Variants in NIPSNAP1 observed in about 807,000 individuals in gnomAD.
NIPSNAP1 encodes protein NipSnap homolog 1.
In NIPSNAP1, 25 loss-of-function variants were observed where a neutral mutation model predicts 49.2. The observed-to-expected ratio is 0.51, with a 90% confidence interval of 0.37 to 0.71. The LOEUF (loss-of-function observed/expected upper bound fraction) is 0.71. Among genes scored for constraint, NIPSNAP1 ranks in the 30% least tolerant of loss-of-function variants. NIPSNAP1 has a pLI of 0.00. For missense variants in NIPSNAP1, 294 were observed against 361.0 expected, an observed-to-expected ratio of 0.81 and a Z score of 1.50; for synonymous variants, 143 against 140.7, an observed-to-expected ratio of 1.02 and a Z score of -0.12.
rs186355597 is a variant in NIPSNAP1, at chr22:29,561,956, G to A, written c.368-94C>T. ...GCTAAGTGGTGGGGACGGGGGAGGC[G>A]GGGTGGCCTGGTTCCCTGTAGCAGC... is the stretch of plus-strand genomic sequence containing the variant. On this transcript the variant is annotated intron_variant, in intron 4 of 9. Coordinates refer to ENST00000216121, the MANE Select transcript of NIPSNAP1 (RefSeq NM_003634.4). 36 of 1,053,192 alleles carry A rather than the reference G, an allele frequency of 3.4e-5. No individual in the cohort carries two copies. The East Asian group carries it at 5.3e-4, about 15-fold the overall frequency. The allele number at this position is 1,053,192 out of a possible 1,614,324, so 65.2% of individuals were successfully genotyped here.
At chr22:29,557,262 G>A (rs1374206373) in intron 9 of NIPSNAP1, among the ~76,000 whole-genome samples, 1 of 151,860 alleles carries the variant, frequency 6.6e-6, no homozygotes, top group Non-Finnish European at 1.5e-5. Context: ...GGGATTACAG[G>A]CTTGAGTTAC....
At chr22:29,560,869 G>T (rs2146602776) in intron 7 of NIPSNAP1, 41 bp from the exon 8 acceptor site, 1 of 1,571,752 alleles carries the variant, frequency 6.4e-7, no homozygotes, top group Non-Finnish European at 8.8e-7. Flanking sequence ...GCCAGGGCTG[G>T]TGCAGAGGGT....
At position 29,557,834 on chromosome 22, in the gene NIPSNAP1, C is replaced by G. The variant is rs1601486279; in HGVS notation, c.790+1036G>C. 2.0e-5 allele frequency among the ~76,000 whole-genome samples: 3 copies of G among 152,314 alleles called. No homozygotes were observed. The South Asian group carries it at 6.2e-4, about 32-fold the overall frequency. On this transcript the variant is annotated intron_variant, in intron 9 of 9. Transcript: ENST00000216121. ...ACTGTAAACTTCTCAATGGCAAGGA[C>G]AGGCTCTTGTTCATTTATGTGCCCC...
rs138594243 is a variant in NIPSNAP1 at position 29,570,297 on chromosome 22, C to A, written c.227-90G>T. ...AGGGGAGCCCATCAAGGCCAGGGGTCCCAGGACAGCTGAGGACATTCCAGA... is the reference window on the plus strand; with the variant it reads ...AGGGGAGCCCATCAAGGCCAGGGGTACCAGGACAGCTGAGGACATTCCAGA... On this transcript the variant is annotated intron_variant, in intron 2 of 9. Transcript: ENST00000216121. 26 of 1,604,246 alleles carry A rather than the reference C, an allele frequency of 1.6e-5. No individual in the cohort carries two copies. In the Middle Eastern group the frequency reaches 6.7e-4, roughly 41 times the overall value.
At chr22:29,569,944 G>A (rs1057110842) in intron 3 of NIPSNAP1, 24 of 553,222 alleles carry the variant, frequency 4.3e-5, no homozygotes, top group Middle Eastern at 4.8e-4. Context: ...AGCCGAGATC[G>A]CGCCATTGCA....
chr22:29,580,939 G>T, intron 1 of NIPSNAP1, 46 bp downstream of exon 1: 1 of 1,446,824 alleles, frequency 6.9e-7, no homozygotes, highest in Non-Finnish European at 9.2e-7. Flanking sequence ...CCCCGCGCCT[G>T]CACCCCACCC....
At chr22:29,558,666 CTA>C (rs2064312857) in intron 9 of NIPSNAP1, among the ~76,000 whole-genome samples, 1 of 152,046 alleles carries the variant, frequency 6.6e-6, no homozygotes, top group African/African-American at 2.4e-5. Context: ...GTGGCCCTGG[CTA>C]TGTTATCATC....
At chr22:29,579,390 G>A (rs1029481539) in intron 1 of NIPSNAP1, among the ~76,000 whole-genome samples, 7 of 149,976 alleles carry the variant, frequency 4.7e-5, no homozygotes, top group South Asian at 2.1e-4. Context: ...TCCGCCTCCT[G>A]GGTTCACGCC....
chr22:29,569,057 G>T, intron 4 of NIPSNAP1, 136 bp downstream of exon 4: 1 of 722,338 alleles, frequency 1.4e-6, no homozygotes, highest in Non-Finnish European at 2.5e-6. Context: ...TTGAGCAGGG[G>T]AGTGAGGTGA....
At chr22:29,556,895 A>G (rs543784280) in intron 9 of NIPSNAP1, among the ~76,000 whole-genome samples, 1 of 142,322 alleles carries the variant, frequency 7.0e-6, no homozygotes, top group East Asian at 2.2e-4. Flanking sequence ...GATTACAGGC[A>G]TGTGCCACTA....
At chr22:29,579,147 AC>A (rs2064477473) in intron 1 of NIPSNAP1, among the ~76,000 whole-genome samples, 3 of 150,782 alleles carry the variant, frequency 2.0e-5, no homozygotes. Context: ...ATCTCGGCTC[AC>A]TGCAACCTCT....
chr22:29,572,816 T>A (rs1160125693), intron 1 of NIPSNAP1, among the ~76,000 whole-genome samples: 2 of 148,118 alleles, frequency 1.4e-5, no homozygotes, highest in African/African-American at 2.6e-5. Flanking sequence ...TAAAATAAAA[T>A]AAAATAAAAT....
chr22:29,574,289 A>AGAAAAAG (rs368067584), intron 1 of NIPSNAP1, among the ~76,000 whole-genome samples: 7,644 of 125,256 alleles, frequency 0.061, 718 homozygotes, highest in African/African-American at 0.12. Flanking sequence ...AAAAAAAAAA[A>AGAAAAAG]AAAGAAAGAA....
chr22:29,564,206 C>T (rs2064354700), intron 4 of NIPSNAP1: 2 of 400,804 alleles, frequency 5.0e-6, no homozygotes, highest in Admixed American at 3.1e-5. Context: ...GACTCTGTAA[C>T]TTCCCATCCC....
At chr22:29,574,652 T>A (rs1446447105) in intron 1 of NIPSNAP1, among the ~76,000 whole-genome samples, 1 of 151,494 alleles carries the variant, frequency 6.6e-6, no homozygotes, top group East Asian at 1.9e-4. Flanking sequence ...GGTGGTGCAA[T>A]CCTGTAATCC....
At chr22:29,567,240 C>A (rs199893107) in intron 4 of NIPSNAP1, among the ~76,000 whole-genome samples, 4 of 152,300 alleles carry the variant, frequency 2.6e-5, no homozygotes, top group East Asian at 3.9e-4. Context: ...CAGCCAAATT[C>A]ATGTGTGGGT....
chr22:29,570,027 A>AAAG (rs1196840243), intron 3 of NIPSNAP1, 135 bp downstream of exon 3: 5 of 759,972 alleles, frequency 6.6e-6, no homozygotes, highest in Non-Finnish European at 1.2e-5. Flanking sequence ...AAGAAAGAAA[A>AAAG]AGGCAGAAAT....
At chr22:29,563,875 G>A (rs577222416) in intron 4 of NIPSNAP1, among the ~76,000 whole-genome samples, 1 of 152,284 alleles carries the variant, frequency 6.6e-6, no homozygotes, top group African/African-American at 2.4e-5. Context: ...AACTGGAAGA[G>A]GCAAGGAAGG....
At chr22:29,569,519 T>C (rs1373181431) in intron 3 of NIPSNAP1, among the ~76,000 whole-genome samples, 1 of 151,792 alleles carries the variant, frequency 6.6e-6, no homozygotes, top group East Asian at 2.0e-4. Flanking sequence ...GGCAGGAGGA[T>C]TGCTTGAGCC....
Sources: gnomAD v4.1 joint callset for allele counts (sites outside exome capture counted in the v4.1 genomes callset) on GRCh38, gnomAD v4.1.1 for gene constraint, MANE v1.5 for transcripts, NCBI Gene and HGNC (gene_info 2026-07-23, HGNC 2026-07-21) for gene names.